Variants in OR11A1 observed in about 807,000 individuals in gnomAD.
The protein encoded by OR11A1 is olfactory receptor 11A1.
For synonymous variants in OR11A1, 158 were observed against 152.2 expected (o/e 1.04, Z -0.28); for missense variants, 380 against 378.2 (o/e 1.00, Z -0.04).
intron 3 of OR11A1, among the ~76,000 whole-genome samples, chr6:29,429,663 A>G (rs114509270): frequency 8.5e-5 from 13 of 152,326 alleles, no homozygotes; most frequent in African/African-American, 3.1e-4. Context: ...CCATGAGTAC[A>G]CACTGAGGCA....
intron 1 of OR11A1, chr6:29,450,136 G>A (rs1210039935): frequency 1.3e-5 from 2 of 152,052 alleles, no homozygotes; most frequent in African/African-American, 2.4e-5. Flanking sequence ...AAAGACCCTA[G>A]AAGAGGAAAA....
chr6:29,441,978 T>C (rs910934272), intron 1 of OR11A1, among the ~76,000 whole-genome samples: 4 of 152,230 alleles, frequency 2.6e-5, no homozygotes, highest in Non-Finnish European at 5.9e-5. Context: ...ATCTATAAAG[T>C]TGCGGTAACA....
At chr6:29,434,082 G>A (rs373560531) in intron 1 of OR11A1, among the ~76,000 whole-genome samples, 24 of 152,026 alleles carry the variant, frequency 1.6e-4, no homozygotes, top group African/African-American at 5.6e-4. Context: ...CCACTTACAT[G>A]TATCATTTAC....
intron 2 of OR11A1, among the ~76,000 whole-genome samples, chr6:29,431,485 C>A (rs1298609728): frequency 1.3e-5 from 2 of 152,082 alleles, no homozygotes; most frequent in Non-Finnish European, 2.9e-5. Flanking sequence ...GGAAAACTTT[C>A]CACCATGAAA....
intron 1 of OR11A1, among the ~76,000 whole-genome samples, chr6:29,434,488 G>A (rs1329092314): frequency 2.6e-5 from 4 of 151,996 alleles, no homozygotes; most frequent in Admixed American, 6.6e-5. Flanking sequence ...TTAATGTTAT[G>A]TATCACATTT....
intron 1 of OR11A1, chr6:29,440,446 C>T: frequency 1.2e-6 from 2 of 1,614,044 alleles, no homozygotes; most frequent in South Asian, 2.2e-5. Context: ...CTACAGCTAG[C>T]TGGGTCGGCG....
intron 1 of OR11A1, among the ~76,000 whole-genome samples, chr6:29,456,225 G>A (rs1304449521): frequency 6.8e-6 from 1 of 147,510 alleles, no homozygotes; most frequent in Non-Finnish European, 1.5e-5. Context: ...GTGAAACTCA[G>A]TCTAAAAAAA....
chr6:29,454,842 C>A (rs73400915), intron 1 of OR11A1, among the ~76,000 whole-genome samples: 191 of 152,000 alleles, frequency 1.3e-3, no homozygotes, highest in Admixed American at 5.0e-3. Flanking sequence ...CTGGAGGAAC[C>A]AGATATAGGT....
In OR11A1 at chr6:29,426,389, G is replaced by T. The variant is rs113817121; in HGVS notation, c.*305C>A. 1.7e-5 allele frequency: 5 copies of T among 293,742 alleles called. No homozygotes were observed. The highest frequency in any genetic ancestry group is 1.1e-4 in the African/African-American group (5 of 46,692). 18.2% of individuals were successfully genotyped at this position (293,742 alleles called of 1,614,324 possible). On this transcript the variant is annotated 3_prime_UTR_variant, in exon 5 of 5. Transcript: ENST00000377149. ...TGAATCCTACTTGAGGGTGGAGGTT[G>T]GGAGGAGGGAGAAGATCAGGAAAAA...
chr6:29,456,807 A>G (rs1055089720), intron 1 of OR11A1, among the ~76,000 whole-genome samples, 180 bp downstream of exon 1: 1 of 152,236 alleles, frequency 6.6e-6, no homozygotes, highest in Admixed American at 6.5e-5. Context: ...TGGGCCAGCA[A>G]TTCAGAAGCA....
intron 1 of OR11A1, chr6:29,440,663 C>T: frequency 6.2e-7 from 1 of 1,614,176 alleles, no homozygotes. Context: ...TCCTGGGCTC[C>T]TACGGGCGTA....
chr6:29,429,677 A>T (rs761730299), intron 3 of OR11A1, among the ~76,000 whole-genome samples: 1 of 152,214 alleles, frequency 6.6e-6, no homozygotes, highest in Non-Finnish European at 1.5e-5. Flanking sequence ...TGAGGCAAGA[A>T]ACAACATTGG....
intron 1 of OR11A1, among the ~76,000 whole-genome samples, chr6:29,448,530 T>C (rs1314719448): frequency 6.6e-6 from 1 of 152,320 alleles, no homozygotes; most frequent in African/African-American, 2.4e-5. Flanking sequence ...AGTCATAGAA[T>C]CCTGCCACTA....
At chr6:29,440,897 A>G (rs944697580) in intron 1 of OR11A1, 7 of 1,613,624 alleles carry the variant, frequency 4.3e-6, no homozygotes, top group Non-Finnish European at 5.9e-6. Flanking sequence ...TGCGGAACAC[A>G]GAGGTCAAAG....
rs115228778 is a variant in OR11A1 at position 29,441,802 on chromosome 6, G to A, written c.-388-9815C>T. Reference sequence around the variant, plus strand: ...TTCTTTGTGTTCATGTGTACTCAGTGTTAGGTCCCACTTTTAAGTGAGAAT... The same window carrying A: ...TTCTTTGTGTTCATGTGTACTCAGTATTAGGTCCCACTTTTAAGTGAGAAT... On this transcript the variant is annotated intron_variant, in intron 1 of 4. Coordinates refer to ENST00000377149, the MANE Select transcript of OR11A1 (RefSeq NM_001394828.1). Among the ~76,000 whole-genome samples the A allele has an allele frequency of 8.3e-3, 1,259 of 152,200 alleles. 19 individuals are homozygous for A. The highest frequency in any genetic ancestry group is 0.027 in the African/African-American group (1,131 of 41,512).
chr6:29,444,197 C>G (rs6930431), intron 1 of OR11A1, among the ~76,000 whole-genome samples: 5,936 of 152,152 alleles, frequency 0.039, 273 homozygotes, highest in African/African-American at 0.11. Flanking sequence ...GAAATGGGAG[C>G]TGCCCTACAC....
chr6:29,443,825 T>G (rs1784446116), intron 1 of OR11A1, among the ~76,000 whole-genome samples: 1 of 152,210 alleles, frequency 6.6e-6, no homozygotes, highest in African/African-American at 2.4e-5. Context: ...TTGAGATATC[T>G]AGTTTCTGGT....
intron 3 of OR11A1, among the ~76,000 whole-genome samples, chr6:29,429,451 C>G (rs886385538): frequency 6.6e-6 from 1 of 152,170 alleles, no homozygotes; most frequent in Non-Finnish European, 1.5e-5. Context: ...GTGGGCCAAA[C>G]AAAACTGGTC....
chr6:29,431,693 G>A (rs1783239022), intron 2 of OR11A1, among the ~76,000 whole-genome samples, 171 bp downstream of exon 2: 1 of 152,168 alleles, frequency 6.6e-6, no homozygotes, highest in South Asian at 2.1e-4. Context: ...GTATTCTAGA[G>A]AAATACTGCG....
Sources: gnomAD v4.1 joint callset for allele counts (sites outside exome capture counted in the v4.1 genomes callset) on GRCh38, gnomAD v4.1.1 for gene constraint, MANE v1.5 for transcripts, NCBI Gene and HGNC (gene_info 2026-07-23, HGNC 2026-07-21) for gene names.